Variants in SACM1L observed in about 807,000 individuals in gnomAD.
The protein encoded by SACM1L is SAC1 like phosphatidylinositide phosphatase.
Under a neutral mutation model 89.5 loss-of-function variants are expected in SACM1L, and 32 were observed. That is an observed-to-expected ratio of 0.36 (90% CI 0.27 to 0.48). The LOEUF is 0.48. Ranked by LOEUF, SACM1L falls within the 20% of genes least tolerant of loss-of-function variation. The pLI is 0.99. For missense variants in SACM1L, 543 were observed against 708.5 expected, an observed-to-expected ratio of 0.77 and a Z score of 2.65; for synonymous variants, 213 against 232.8, an observed-to-expected ratio of 0.92 and a Z score of 0.77.
At chr3:45,724,996 A>G (rs1302182092) in intron 11 of SACM1L, among the ~76,000 whole-genome samples, 1 of 152,174 alleles carries the variant, frequency 6.6e-6, no homozygotes, top group South Asian at 2.1e-4. Flanking sequence ...AGTTGAACAT[A>G]TATATAAGGT....
chr3:45,711,954 T>A (rs1698540780), intron 5 of SACM1L, among the ~76,000 whole-genome samples: 1 of 152,240 alleles, frequency 6.6e-6, no homozygotes. Context: ...GCAACTTGCC[T>A]CTTATCAAGT....
chr3:45,731,460 T>G (rs1469089282), intron 12 of SACM1L, 80 bp downstream of exon 12: 1 of 814,130 alleles, frequency 1.2e-6, no homozygotes, highest in Non-Finnish European at 1.9e-6. Flanking sequence ...TAGAGCTCAC[T>G]AGACATATGT....
intron 4 of SACM1L, chr3:45,707,162 A>G (rs969285342): frequency 9.9e-6 from 3 of 304,014 alleles, no homozygotes; most frequent in Non-Finnish European, 1.8e-5. Context: ...GAAAACAGAA[A>G]TGCACGGGTA....
At chr3:45,725,182 T>G (rs1698889281) in intron 11 of SACM1L, among the ~76,000 whole-genome samples, 1 of 152,202 alleles carries the variant, frequency 6.6e-6, no homozygotes, top group Admixed American at 6.5e-5. Flanking sequence ...CCCTTGAGAT[T>G]GCTTATGAAT....
chr3:45,737,569 G>T lies in SACM1L; in HGVS notation c.1240-14G>T, dbSNP rs1575412278. The T allele has an allele frequency of 6.3e-7, 1 of 1,590,988 alleles. No individual in the cohort carries two copies. The highest frequency in any genetic ancestry group is 2.2e-5 in the East Asian group (1 of 44,812). ...TCTATTACACATAAATCTGGGTGTGGTTTTTTATTCCAGAGACTAGGAGTT... is the reference window on the plus strand; with the variant it reads ...TCTATTACACATAAATCTGGGTGTGTTTTTTTATTCCAGAGACTAGGAGTT... On this transcript the variant is annotated splice_polypyrimidine_tract_variant and intron_variant, in intron 14 of 19. Transcript: ENST00000389061.
At chr3:45,689,553 C>A in intron 1 of SACM1L, 56 bp downstream of exon 1, 3 of 1,538,470 alleles carry the variant, frequency 1.9e-6, no homozygotes, top group African/African-American at 1.4e-5. Context: ...CAGGTGCGGG[C>A]CCTGGCCTCG....
In SACM1L at chr3:45,743,751, A is replaced by T. The variant is rs1371350857; in HGVS notation, c.*82A>T. On this transcript the variant is annotated 3_prime_UTR_variant, in exon 20 of 20. Coordinates refer to ENST00000389061, the MANE Select transcript of SACM1L (RefSeq NM_014016.5). ...TCTTTACTGACCCGCTTTCCACATC[A>T]GCCCAAGGTCTTTTTAATGCCTTTA... 3 of 1,468,190 alleles carry T rather than the reference A, an allele frequency of 2.0e-6. No homozygotes were observed. Among genetic ancestry groups the T allele is most frequent in the South Asian group, 1.4e-5 (1 of 72,794 alleles). 90.9% of individuals were successfully genotyped at this position (1,468,190 alleles called of 1,614,324 possible). A position where few individuals can be genotyped will look rare whatever the true frequency, so the allele number is the denominator to read the frequency against.
chr3:45,689,719 C>T (rs371253145), intron 1 of SACM1L: 10 of 617,016 alleles, frequency 1.6e-5, no homozygotes, highest in East Asian at 1.4e-4. Context: ...TGCTCGGCCC[C>T]AGCGCCCACG....
chr3:45,696,399 G>A (rs115943703), intron 1 of SACM1L, among the ~76,000 whole-genome samples: 1,768 of 152,184 alleles, frequency 0.012, 29 homozygotes, highest in African/African-American at 0.041. Flanking sequence ...CACCTTTTTG[G>A]CTATTGTGAG....
At position 45,737,760 on chromosome 3, in the gene SACM1L, T is replaced by G. The variant is rs925454876; in HGVS notation, c.1310-12T>G. The G allele has an allele frequency of 9.3e-6, 15 of 1,608,182 alleles. No individual in the cohort carries two copies. The highest frequency in any genetic ancestry group is 1.2e-5 in the Non-Finnish European group (14 of 1,177,942). Reference sequence around the variant, plus strand: ...CTTAATAATTATCAGCTGTTTTTACTTTTTTCTACAGCCTGGGCTGACAAC... The same window carrying G: ...CTTAATAATTATCAGCTGTTTTTACGTTTTTCTACAGCCTGGGCTGACAAC... On this transcript the variant is annotated splice_polypyrimidine_tract_variant and intron_variant, in intron 15 of 19. Transcript: ENST00000389061.
In SACM1L at chr3:45,716,584, C is replaced by T. The variant is rs112535416; in HGVS notation, c.577+2505C>T. Among the ~76,000 whole-genome samples the T allele has an allele frequency of 3.4e-3, 520 of 152,132 alleles. 5 individuals carry two copies. The highest frequency in any genetic ancestry group is 0.011 in the African/African-American group (463 of 41,492). ...TAGAGGGCCTGGTGTGGGCTGCTCA[C>T]CTACCACTGTAGAAGGGAAGCAGAT... On this transcript the variant is annotated intron_variant, in intron 7 of 19. Transcript: ENST00000389061.
intron 11 of SACM1L, among the ~76,000 whole-genome samples, chr3:45,727,965 G>A (rs1272054535): frequency 2.6e-5 from 4 of 152,074 alleles, no homozygotes; most frequent in Admixed American, 6.6e-5. Context: ...ATTTTCAGGC[G>A]GTCATGGTTT....
intron 11 of SACM1L, among the ~76,000 whole-genome samples, chr3:45,728,372 A>G (rs1478222497): frequency 1.3e-5 from 2 of 151,802 alleles, no homozygotes; most frequent in South Asian, 2.1e-4. Context: ...TTCCTCCATT[A>G]CTGTCTCTTA....
intron 4 of SACM1L, chr3:45,707,275 G>A (rs183638416): frequency 5.9e-6 from 1 of 170,394 alleles, no homozygotes; most frequent in Non-Finnish European, 1.3e-5. Flanking sequence ...TCCCAGAGAG[G>A]TTTTCTCTAT....
At chr3:45,735,785 G>A (rs182426104) in intron 14 of SACM1L, among the ~76,000 whole-genome samples, 1 of 152,272 alleles carries the variant, frequency 6.6e-6, no homozygotes, top group Admixed American at 6.5e-5. Context: ...TTCCAAGAGC[G>A]TCATACCAGT....
At chr3:45,733,706 G>T (rs902134919) in intron 13 of SACM1L, among the ~76,000 whole-genome samples, 9 of 152,162 alleles carry the variant, frequency 5.9e-5, no homozygotes, top group Admixed American at 5.9e-4. Context: ...TTCGTTGTTT[G>T]CTGTGTTCCA....
chr3:45,712,987 C>G (rs1326328737), intron 5 of SACM1L, 150 bp from the exon 6 acceptor site: 2 of 591,960 alleles, frequency 3.4e-6, no homozygotes, highest in African/African-American at 1.9e-5. Context: ...ACAGGAGGTA[C>G]AGATTTGCGG....
At position 45,720,151 on chromosome 3, in the gene SACM1L, T is replaced by C. The variant is rs572230675; in HGVS notation, c.679+550T>C. ...AGAATATATCAGCATATTTTATGGC[T>C]GTGAGCCATTAAATAAATTGTAGCT... On this transcript the variant is annotated intron_variant, in intron 8 of 19. Transcript: ENST00000389061. Among the ~76,000 whole-genome samples, 4 of 152,314 alleles carry C rather than the reference T, an allele frequency of 2.6e-5. No homozygotes were observed. The East Asian group carries it at 5.8e-4, about 22-fold the overall frequency.
intron 13 of SACM1L, 129 bp from the exon 14 acceptor site, chr3:45,735,106 A>G (rs1699170428): frequency 2.2e-6 from 2 of 916,612 alleles, no homozygotes; most frequent in Non-Finnish European, 3.2e-6. Flanking sequence ...CTGACCACAC[A>G]TTCCTGTCTG....
Sources: gnomAD v4.1 joint callset for allele counts (sites outside exome capture counted in the v4.1 genomes callset) on GRCh38, gnomAD v4.1.1 for gene constraint, MANE v1.5 for transcripts, NCBI Gene and HGNC (gene_info 2026-07-23, HGNC 2026-07-21) for gene names.